The following GRID2 variants were observed in gnomAD, a reference collection of about 807,000 sequenced individuals.
GRID2 encodes the protein glutamate receptor ionotropic, delta-2.
A neutral mutation model predicts 114.8 loss-of-function variants in GRID2; 33 were observed. That is an observed-to-expected ratio of 0.29 (90% confidence interval 0.22 to 0.38). The LOEUF (loss-of-function observed/expected upper bound fraction) is 0.38, where lower values mean the gene tolerates loss of function less well. Ranked by LOEUF, GRID2 falls within the 10% of genes least tolerant of loss-of-function variation. The pLI, the probability that GRID2 is intolerant of heterozygous loss-of-function variation, is 1.00. For missense variants in GRID2, 1,184 were observed against 1,257.7 expected, an observed-to-expected ratio of 0.94 and a Z score of 0.89; for synonymous variants, 505 against 449.9, an observed-to-expected ratio of 1.12 and a Z score of -1.55.
At chr4:92,500,968 A>G (rs948593981) in intron 1 of GRID2, among the ~76,000 whole-genome samples, 6 of 152,062 alleles carry the variant, frequency 3.9e-5, no homozygotes, top group Non-Finnish European at 8.8e-5. Flanking sequence ...GCTTATCTTT[A>G]CAGCTCTGGT....
At chr4:92,934,094 C>T (rs570738496) in intron 2 of GRID2, among the ~76,000 whole-genome samples, 3 of 151,598 alleles carry the variant, frequency 2.0e-5, no homozygotes, top group African/African-American at 7.3e-5. Context: ...ATTATTGAGG[C>T]CTGAAATGCT....
chr4:93,635,973 C>T (rs575089141), intron 14 of GRID2, among the ~76,000 whole-genome samples: 1 of 152,264 alleles, frequency 6.6e-6, no homozygotes, highest in East Asian at 1.9e-4. Flanking sequence ...AAGCACAAAC[C>T]TAGACATCAA....
At chr4:92,389,858 G>T (rs1434049758) in intron 1 of GRID2, among the ~76,000 whole-genome samples, 1 of 151,944 alleles carries the variant, frequency 6.6e-6, no homozygotes, top group Non-Finnish European at 1.5e-5. Context: ...TATTCTAAAG[G>T]TTCATTATTA....
chr4:93,654,466 C>A (rs1217766491), intron 14 of GRID2, among the ~76,000 whole-genome samples: 2 of 152,108 alleles, frequency 1.3e-5, no homozygotes, highest in Non-Finnish European at 2.9e-5. Flanking sequence ...TGTTGTCAGT[C>A]ACTTGCAATA....
chr4:93,780,253 A>C (rs1360055623), intron 1 of GRID2, among the ~76,000 whole-genome samples: 9 of 152,174 alleles, frequency 5.9e-5, no homozygotes, highest in African/African-American at 2.2e-4. Flanking sequence ...CTTTAAATGG[A>C]CTGAGGGAGT....
At chr4:93,206,059 T>C (rs968358623) in intron 4 of GRID2, among the ~76,000 whole-genome samples, 2 of 151,824 alleles carry the variant, frequency 1.3e-5, no homozygotes, top group Non-Finnish European at 2.9e-5. Context: ...AACCTAAAAC[T>C]TAAAGTATAA....
chr4:92,605,648 G>A (rs892526214), intron 2 of GRID2, among the ~76,000 whole-genome samples: 4 of 152,040 alleles, frequency 2.6e-5, no homozygotes, highest in Admixed American at 6.6e-5. Context: ...AATATGAAGG[G>A]AATAGCATTC....
At chr4:92,325,059 A>T (rs1726524456) in intron 1 of GRID2, among the ~76,000 whole-genome samples, 1 of 151,906 alleles carries the variant, frequency 6.6e-6, no homozygotes, top group Non-Finnish European at 1.5e-5. Context: ...ATATATATAC[A>T]GTATATGATT....
At chr4:93,514,204 G>T (rs566002373) in intron 12 of GRID2, among the ~76,000 whole-genome samples, 60 of 152,146 alleles carry the variant, frequency 3.9e-4, no homozygotes, top group Non-Finnish European at 6.2e-4. Context: ...ATGATAACTG[G>T]TTCTTTAAGC....
At chr4:93,125,663 A>T (rs1289586432) in intron 4 of GRID2, among the ~76,000 whole-genome samples, 1 of 152,150 alleles carries the variant, frequency 6.6e-6, no homozygotes, top group Non-Finnish European at 1.5e-5. Context: ...TTGTTCCTTA[A>T]TAGCCTAAAT....
At position 92,436,550 on chromosome 4, in the gene GRID2, A is replaced by G. The variant is rs764828964; in HGVS notation, c.88+131806A>G. ...ACATTTTTGAATTTGTTTAACTGAC[A>G]TAAGTATCATTTTGTTTTTCTAACT... is the stretch of plus-strand genomic sequence containing the variant. On this transcript the variant is annotated intron_variant, in intron 1 of 15. Coordinates refer to ENST00000282020, the MANE Select transcript of GRID2 (RefSeq NM_001510.4). Among the ~76,000 whole-genome samples the G allele has an allele frequency of 1.8e-4, 28 of 152,102 alleles. 1 individual carries two copies. Among genetic ancestry groups the G allele is most frequent in the Admixed American group, 1.7e-3 (26 of 15,262 alleles).
chr4:92,408,465 CTGT>C (rs1731138340), intron 1 of GRID2, among the ~76,000 whole-genome samples: 1 of 49,688 alleles, frequency 2.0e-5, no homozygotes, highest in Non-Finnish European at 3.7e-5. Context: ...TTTTTTTTTG[CTGT>C]TGTTGTTTTA....
intron 2 of GRID2, among the ~76,000 whole-genome samples, chr4:92,937,079 C>G (rs1750731989): frequency 6.8e-6 from 1 of 146,430 alleles, no homozygotes; most frequent in African/African-American, 2.4e-5. Context: ...TTTCTGCATA[C>G]TAGGCGGTTA....
At chr4:92,955,309 T>C (rs1289307391) in intron 2 of GRID2, among the ~76,000 whole-genome samples, 7 of 151,862 alleles carry the variant, frequency 4.6e-5, no homozygotes, top group Admixed American at 4.6e-4. Context: ...ATTGCCATTC[T>C]AACTGGTGGG....
chr4:93,083,980 G>T (rs1466853450), intron 2 of GRID2, among the ~76,000 whole-genome samples: 1 of 151,896 alleles, frequency 6.6e-6, no homozygotes, highest in East Asian at 1.9e-4. Flanking sequence ...TTTCCTTTAA[G>T]TTTTTAAAGA....
chr4:92,489,942 A>G (rs778591630), intron 1 of GRID2, among the ~76,000 whole-genome samples: 4 of 152,074 alleles, frequency 2.6e-5, no homozygotes, highest in East Asian at 1.9e-4. Flanking sequence ...AAGTCTTTGC[A>G]TTTTTGGAGC....
chr4:92,968,813 C>CT (rs1431073495), intron 2 of GRID2, among the ~76,000 whole-genome samples: 1 of 151,714 alleles, frequency 6.6e-6, no homozygotes, highest in African/African-American at 2.4e-5. Flanking sequence ...TATTTGTGGT[C>CT]TTTTTGACTG....
At position 93,471,994 on chromosome 4, in the gene GRID2, C is replaced by T. The variant is rs191073467; in HGVS notation, c.1858+16020C>T. On this transcript the variant is annotated intron_variant, in intron 11 of 15. Transcript: ENST00000282020. ...GAATTATAGGCTTGAGCCACCTTGCCTAGCCTTGAATTTAATATTTTATTT... is the reference window on the plus strand; with the variant it reads ...GAATTATAGGCTTGAGCCACCTTGCTTAGCCTTGAATTTAATATTTTATTT... Among the ~76,000 whole-genome samples the T allele has an allele frequency of 7.6e-3, 1,148 of 150,980 alleles. 7 individuals are homozygous for T. The highest frequency in any genetic ancestry group is 0.02 in the South Asian group (94 of 4,750).
chr4:93,482,634 T>C (rs1725988953), intron 11 of GRID2, among the ~76,000 whole-genome samples: 1 of 151,910 alleles, frequency 6.6e-6, no homozygotes, highest in Non-Finnish European at 1.5e-5. Context: ...CAAACCACCA[T>C]AGCACATGTA....
Sources: gnomAD v4.1 joint callset for allele counts (sites outside exome capture counted in the v4.1 genomes callset) on GRCh38, gnomAD v4.1.1 for gene constraint, MANE v1.5 for transcripts, NCBI Gene and HGNC (gene_info 2026-07-23, HGNC 2026-07-21) for gene names.